COL19A1: variants seen among roughly 807,000 people sequenced by gnomAD.
COL19A1 encodes collagen type XIX alpha 1 chain, also known as collagen alpha-1(XIX) chain.
A neutral mutation model predicts 190.2 loss-of-function variants in COL19A1; 159 were observed. The observed-to-expected ratio is 0.84, with a 90% CI of 0.73 to 0.95. COL19A1 has a LOEUF of 0.95. Ranked by LOEUF, COL19A1 falls within the 40% of genes least tolerant of loss-of-function variation. COL19A1 has a pLI of 0.00. For synonymous variants in COL19A1, 509 were observed against 458.9 expected (o/e 1.11, Z -1.39); for missense variants, 1,418 against 1,431.9 (o/e 0.99, Z 0.16).
chr6:70,024,194 C>T (rs1778600947), intron 12 of COL19A1, among the ~76,000 whole-genome samples: 1 of 152,148 alleles, frequency 6.6e-6, no homozygotes, highest in Admixed American at 6.5e-5. Flanking sequence ...TCATCTTCTC[C>T]CCTTCCCCTC....
rs1391825541 is a variant in COL19A1 at position 69,932,828 on chromosome 6, G to C, written c.712G>C (p.Ala238Pro). The C allele has an allele frequency of 1.2e-6, 2 of 1,609,034 alleles. No individual in the cohort carries two copies. The highest frequency in any genetic ancestry group is 1.7e-5 in the Admixed American group (1 of 59,574). The stretch of plus-strand genomic sequence containing the variant: ...AATCTACTGCAGTGCAAACCTCATA[G>C]CTCAAGAAACATGTTGTGAAATATC... The part of the protein sequence containing the change: ...LKIYCSANLI[A>P]QETCCEISDT... Residue 238 changes from alanine to proline, a missense_variant, in exon 7 of 51, where the codon GCT (alanine) becomes CCT (proline). Coordinates refer to ENST00000620364, the MANE Select transcript of COL19A1 (RefSeq NM_001858.6).
At chr6:70,024,582 C>CGTGTGTGT (rs71536487) in intron 12 of COL19A1, among the ~76,000 whole-genome samples, 5 of 143,394 alleles carry the variant, frequency 3.5e-5, no homozygotes, top group African/African-American at 1.0e-4. Flanking sequence ...TGGAGAAAGT[C>CGTGTGTGT]GTGTGTGTGT....
At chr6:69,921,445 C>CATAT (rs1554166250) in intron 4 of COL19A1, among the ~76,000 whole-genome samples, 2 of 27,186 alleles carry the variant, frequency 7.4e-5, no homozygotes, top group East Asian at 1.3e-3. Context: ...TCATATATAT[C>CATAT]ATATATCATA....
chr6:70,125,540 A>G (rs1224428701), intron 17 of COL19A1, among the ~76,000 whole-genome samples: 1 of 152,078 alleles, frequency 6.6e-6, no homozygotes, highest in Non-Finnish European at 1.5e-5. Context: ...AGGTATGAGA[A>G]ACCCTCTCTC....
chr6:70,044,097 A>T (rs975833891), intron 14 of COL19A1, among the ~76,000 whole-genome samples: 1 of 152,162 alleles, frequency 6.6e-6, no homozygotes, highest in African/African-American at 2.4e-5. Flanking sequence ...TTCCTTAAAC[A>T]TCATGAACCA....
intron 14 of COL19A1, among the ~76,000 whole-genome samples, chr6:70,050,171 A>G (rs1780130875): frequency 6.6e-6 from 1 of 152,056 alleles, no homozygotes. Flanking sequence ...GAGTTAATAT[A>G]TGTAAAGATT....
At chr6:70,169,986 T>C (rs753408997) in intron 40 of COL19A1, among the ~76,000 whole-genome samples, 2 of 152,162 alleles carry the variant, frequency 1.3e-5, no homozygotes, top group Non-Finnish European at 2.9e-5. Context: ...GAAAAGGGGC[T>C]GGCAACAAAA....
In COL19A1 at chr6:70,142,839, A is replaced by G; in HGVS notation, c.1626+19A>G. ...AGATGTTGTATGTATAATGTCTTTGATATTTCTGGAATTGAAATTGAGACT... is the reference window on the plus strand; with the variant it reads ...AGATGTTGTATGTATAATGTCTTTGGTATTTCTGGAATTGAAATTGAGACT... On this transcript the variant is annotated intron_variant, in intron 23 of 50. Transcript: ENST00000620364. 1 of 1,603,528 alleles carries G rather than the reference A, an allele frequency of 6.2e-7. No individual in the cohort carries two copies. Among genetic ancestry groups the G allele is most frequent in the Non-Finnish European group, 8.5e-7 (1 of 1,174,186 alleles).
At chr6:69,938,179 C>A in intron 9 of COL19A1, 79 bp downstream of exon 9, 1 of 1,306,578 alleles carries the variant, frequency 7.7e-7, no homozygotes, top group Non-Finnish European at 1.1e-6. Flanking sequence ...TCTCATTTTT[C>A]TTTATTCTGT....
At chr6:70,026,633 TCTATCA>T (rs1562097904) in intron 12 of COL19A1, among the ~76,000 whole-genome samples, 1 of 152,104 alleles carries the variant, frequency 6.6e-6, no homozygotes. Flanking sequence ...CTCTTTCCCC[TCTATCA>T]CTAGTAGTAA....
chr6:70,147,968 G>A (rs1786773507), intron 27 of COL19A1, among the ~76,000 whole-genome samples: 1 of 152,208 alleles, frequency 6.6e-6, no homozygotes, highest in African/African-American at 2.4e-5. Context: ...TATGATAAAC[G>A]ATACAGTTGA....
intron 11 of COL19A1, among the ~76,000 whole-genome samples, chr6:70,020,400 A>G (rs1778353116): frequency 6.6e-6 from 1 of 152,008 alleles, no homozygotes; most frequent in Non-Finnish European, 1.5e-5. Flanking sequence ...TGCCTTACTC[A>G]CCATGAGCTT....
intron 18 of COL19A1, chr6:70,131,127 T>G (rs1785494376): frequency 3.6e-5 from 14 of 393,988 alleles, no homozygotes; most frequent in South Asian, 2.7e-4. Flanking sequence ...TGTTTGATTC[T>G]GAAATTGTAA....
chr6:70,161,557 G>T lies in COL19A1; in HGVS notation c.2293-343G>T, dbSNP rs143663011. Among the ~76,000 whole-genome samples, 309 of 152,174 alleles carry T rather than the reference G, an allele frequency of 2.0e-3. 3 individuals are homozygous for T. Among genetic ancestry groups the T allele is most frequent in the African/African-American group, 5.7e-3 (235 of 41,536 alleles). On this transcript the variant is annotated intron_variant, in intron 34 of 50. Coordinates refer to ENST00000620364, the MANE Select transcript of COL19A1 (RefSeq NM_001858.6). ...AAGCATACAGAGTGATATAATGGAC[G>T]TTGGAGGCCCAGAAGTGAGGAGTAT...
intron 11 of COL19A1, among the ~76,000 whole-genome samples, chr6:70,005,172 G>A (rs112316187): frequency 0.095 from 14,438 of 151,976 alleles, 821 homozygotes; most frequent in South Asian, 0.25. Flanking sequence ...CTCATCCTCC[G>A]TCCAGTTCTG....
intron 16 of COL19A1, 81 bp from the exon 17 acceptor site, chr6:70,121,799 A>G (rs1213940060): frequency 1.1e-6 from 1 of 883,586 alleles, no homozygotes; most frequent in East Asian, 2.7e-5. Flanking sequence ...TATGATTTCA[A>G]GAGTTCTTAG....
At chr6:70,106,023 A>G (rs1309315260) in intron 16 of COL19A1, among the ~76,000 whole-genome samples, 1 of 152,008 alleles carries the variant, frequency 6.6e-6, no homozygotes, top group African/African-American at 2.4e-5. Context: ...TGATTTTTTT[A>G]TTTTTTTAAT....
At position 70,146,576 on chromosome 6, in the gene COL19A1, A is replaced by G. The variant is rs192633581; in HGVS notation, c.1771-83A>G. On this transcript the variant is annotated intron_variant, in intron 25 of 50. Transcript: ENST00000620364. ...ATTTATTCAAGCAAGATGAAGAGTG[A>G]TGAAACATATTTTAGTTATAACTTC... The G allele has an allele frequency of 6.8e-6, 7 of 1,023,564 alleles. No homozygotes were observed. The East Asian group carries it at 1.9e-4, about 27-fold the overall frequency. The allele number at this position is 1,023,564 out of a possible 1,614,324, so 63.4% of individuals were successfully genotyped here.
intron 11 of COL19A1, among the ~76,000 whole-genome samples, chr6:69,979,091 A>G (rs889522245): frequency 6.6e-6 from 1 of 151,948 alleles, no homozygotes; most frequent in Non-Finnish European, 1.5e-5. Context: ...TTCAAAATCT[A>G]CCATTGAATA....
Sources: gnomAD v4.1 joint callset for allele counts (sites outside exome capture counted in the v4.1 genomes callset) on GRCh38, gnomAD v4.1.1 for gene constraint, MANE v1.5 for transcripts, NCBI Gene and HGNC (gene_info 2026-07-23, HGNC 2026-07-21) for gene names.